NCK1: variants seen among roughly 807,000 people sequenced by gnomAD.
The protein encoded by NCK1 is NCK adaptor protein 1.
Under a neutral mutation model 36.6 loss-of-function variants are expected in NCK1, and 19 were observed. That is an observed-to-expected ratio of 0.52 (90% CI 0.36 to 0.76). The LOEUF (loss-of-function observed/expected upper bound fraction) is 0.76, where lower values mean the gene tolerates loss of function less well. NCK1 is among the 30% of genes least tolerant of loss of function. NCK1 has a pLI of 0.00. For missense variants in NCK1, 358 were observed against 445.6 expected (o/e 0.80, Z 1.77); for synonymous variants, 165 against 156.0 (o/e 1.06, Z -0.43).
intron 2 of NCK1, among the ~76,000 whole-genome samples, chr3:136,942,719 T>C (rs1940709339): frequency 6.6e-6 from 1 of 152,192 alleles, no homozygotes; most frequent in Non-Finnish European, 1.5e-5. Context: ...TACACACCCC[T>C]TATTACCCCA....
At chr3:136,911,718 G>A (rs1382024052) in intron 1 of NCK1, among the ~76,000 whole-genome samples, 2 of 152,098 alleles carry the variant, frequency 1.3e-5, no homozygotes, top group Non-Finnish European at 1.5e-5. Flanking sequence ...TTGCTGTGCA[G>A]TTGCTTTTTA....
chr3:136,869,642 T>C (rs1362207666), intron 1 of NCK1, among the ~76,000 whole-genome samples: 1 of 152,150 alleles, frequency 6.6e-6, no homozygotes, highest in Non-Finnish European at 1.5e-5. Flanking sequence ...CTCTTAACTC[T>C]AAAGTTTCTG....
intron 3 of NCK1, among the ~76,000 whole-genome samples, chr3:136,947,701 C>T (rs1209684165): frequency 6.6e-6 from 1 of 152,134 alleles, no homozygotes; most frequent in South Asian, 2.1e-4. Flanking sequence ...ATCTACCTTT[C>T]CACTCTGACA....
At chr3:136,903,005 T>G (rs1939584064) in intron 1 of NCK1, among the ~76,000 whole-genome samples, 1 of 152,058 alleles carries the variant, frequency 6.6e-6, no homozygotes, top group Admixed American at 6.6e-5. Context: ...GCTTTCTTAA[T>G]TTTTGTATCT....
At chr3:136,909,550 G>A (rs1939780956) in intron 1 of NCK1, among the ~76,000 whole-genome samples, 1 of 152,186 alleles carries the variant, frequency 6.6e-6, no homozygotes, top group South Asian at 2.1e-4. Context: ...AATGTCCCAT[G>A]TGCACTTGAG....
intron 1 of NCK1, among the ~76,000 whole-genome samples, chr3:136,871,396 T>TA (rs1289526838): frequency 6.6e-6 from 1 of 151,730 alleles, no homozygotes; most frequent in Non-Finnish European, 1.5e-5. Flanking sequence ...AGACGCTGTC[T>TA]AAAAAAAACA....
intron 1 of NCK1, among the ~76,000 whole-genome samples, chr3:136,893,198 A>ACACACACACACACCATATTT (rs1347213828): frequency 7.6e-6 from 1 of 132,272 alleles, no homozygotes; most frequent in Admixed American, 7.8e-5. Flanking sequence ...ATATACACAC[A>ACACACACACACACCATATTT]TGTGCAAGTA....
At chr3:136,864,939 T>C in intron 1 of NCK1, among the ~76,000 whole-genome samples, 1 of 148,356 alleles carries the variant, frequency 6.7e-6, no homozygotes. Context: ...TTTGTATATA[T>C]ATATATTTTT....
chr3:136,869,531 C>T (rs945211874), intron 1 of NCK1, among the ~76,000 whole-genome samples: 15 of 151,862 alleles, frequency 9.9e-5, no homozygotes, highest in Admixed American at 8.5e-4. Flanking sequence ...GGTGACAGAG[C>T]GAGATTGTCT....
At chr3:136,944,110 ACC>A (rs1560055743) in intron 2 of NCK1, among the ~76,000 whole-genome samples, 14 of 79,262 alleles carry the variant, frequency 1.8e-4, no homozygotes, top group Admixed American at 3.5e-4. Flanking sequence ...AGGAAAAACA[ACC>A]TTTTTTTTTT....
rs1048145 is a variant in NCK1 at position 136,948,563 on chromosome 3, T to C, written c.*110T>C. ...GATTGGAAATTGTTGTTTCTAAATC[T>C]ATATGAGAATTGACAATAAGTATTT... is the stretch of plus-strand genomic sequence containing the variant. On this transcript the variant is annotated 3_prime_UTR_variant, in exon 4 of 4. Transcript: ENST00000481752. 77,307 of 892,844 alleles carry C rather than the reference T, an allele frequency of 0.087. 3,670 individuals are homozygous for C. Among genetic ancestry groups the C allele is most frequent in the Non-Finnish European group, 0.097 (56,921 of 584,410 alleles). The allele number at this position is 892,844 out of a possible 1,614,324, so 55.3% of individuals were successfully genotyped here.
intron 1 of NCK1, among the ~76,000 whole-genome samples, chr3:136,875,955 C>T (rs1282740625): frequency 6.6e-6 from 1 of 152,158 alleles, no homozygotes; most frequent in Non-Finnish European, 1.5e-5. Flanking sequence ...CAAACTATCT[C>T]TCAGGCCACA....
At chr3:136,915,768 C>T (rs1328182502) in intron 1 of NCK1, among the ~76,000 whole-genome samples, 1 of 151,782 alleles carries the variant, frequency 6.6e-6, no homozygotes, top group Non-Finnish European at 1.5e-5. Flanking sequence ...CTCCGTCATC[C>T]AGGCTGGAGT....
rs763241416 is a variant in NCK1, at chr3:136,946,081, T to A, written c.725T>A (p.Val242Glu). The A allele has an allele frequency of 6.2e-7, 1 of 1,613,932 alleles. No individual in the cohort carries two copies. The highest frequency in any genetic ancestry group is 8.5e-7 in the Non-Finnish European group (1 of 1,179,974). The change falls in exon 3 of 4, where the codon GTA becomes GAA. Residue 242 changes from valine (V) to glutamate (E), a missense_variant. Val to Glu is a moderately radical substitution (Grantham distance 121). This residue lies in a region of NCK1 where 207 missense variants were observed against 253.4 expected (regional missense o/e 0.82). Transcript: ENST00000481752. ...CRKINGMVGL[V>E]PKNYVTVMQN... ...AAGATCAATGGTATGGTTGGTCTAG[T>A]ACCAAAAAACTATGTTACCGTTATG...
At chr3:136,901,683 A>C (rs1939545761) in intron 1 of NCK1, among the ~76,000 whole-genome samples, 1 of 152,098 alleles carries the variant, frequency 6.6e-6, no homozygotes, top group African/African-American at 2.4e-5. Flanking sequence ...GTTGTTTGTA[A>C]TAGTTTTTAA....
chr3:136,912,796 C>T (rs573437174), intron 1 of NCK1, among the ~76,000 whole-genome samples: 1 of 152,160 alleles, frequency 6.6e-6, no homozygotes, highest in Admixed American at 6.5e-5. Context: ...GCTGGAACTA[C>T]TTGCGCTGCT....
At chr3:136,871,018 C>A (rs1387332203) in intron 1 of NCK1, among the ~76,000 whole-genome samples, 1 of 152,088 alleles carries the variant, frequency 6.6e-6, no homozygotes, top group Non-Finnish European at 1.5e-5. Flanking sequence ...CAATAAAGAT[C>A]TTTGTGTATA....
At chr3:136,882,160 A>G (rs533664271) in intron 1 of NCK1, among the ~76,000 whole-genome samples, 2 of 151,874 alleles carry the variant, frequency 1.3e-5, no homozygotes, top group African/African-American at 2.4e-5. Flanking sequence ...AAGAGTTCCA[A>G]TATCATTACA....
At chr3:136,913,840 G>A (rs1006353155) in intron 1 of NCK1, among the ~76,000 whole-genome samples, 8 of 152,058 alleles carry the variant, frequency 5.3e-5, no homozygotes, top group African/African-American at 1.9e-4. Context: ...AACTAATTTT[G>A]TGTATTTTTA....
Sources: gnomAD v4.1 joint callset for allele counts (sites outside exome capture counted in the v4.1 genomes callset) on GRCh38, gnomAD v4.1.1 for gene constraint, gnomAD v4.1.1 regional missense constraint, MANE v1.5 for transcripts, NCBI Gene and HGNC (gene_info 2026-07-23, HGNC 2026-07-21) for gene names.